Variants in ASAP2 observed in about 807,000 individuals in gnomAD.
ASAP2 encodes the protein ArfGAP with SH3 domain, ankyrin repeat and PH domain 2, also known as arf-GAP with SH3 domain, ANK repeat and PH domain-containing protein 2.
Under a neutral mutation model 131.4 loss-of-function variants are expected in ASAP2, and 45 were observed. The observed-to-expected ratio is 0.34, with a 90% CI of 0.27 to 0.44. The LOEUF is 0.44. Among genes scored for constraint, ASAP2 ranks in the 20% least tolerant of loss-of-function variants. ASAP2 has a pLI of 1.00. For synonymous variants in ASAP2, 510 were observed against 503.0 expected, an observed-to-expected ratio of 1.01 and a Z score of -0.19; for missense variants, 1,011 against 1,297.0, an observed-to-expected ratio of 0.78 and a Z score of 3.39.
intron 24 of ASAP2, among the ~76,000 whole-genome samples, 198 bp downstream of exon 24, chr2:9,393,845 T>C (rs1285702011): frequency 6.6e-6 from 1 of 152,190 alleles, no homozygotes; most frequent in Non-Finnish European, 1.5e-5. Flanking sequence ...AAATGTACAT[T>C]TTAAGTCCAC....
rs1360432351 is a variant in ASAP2, at chr2:9,350,797, C to T, written c.1024-11C>T. On this transcript the variant is annotated splice_polypyrimidine_tract_variant and intron_variant, in intron 11 of 27. Coordinates refer to ENST00000281419, the MANE Select transcript of ASAP2 (RefSeq NM_003887.3). ...CCCCAACCTTTTTTGTTGTTTTTTG[C>T]TTTTAAACAGGCTAACCGGCCTCCT... 7 of 1,608,798 alleles carry T rather than the reference C, an allele frequency of 4.4e-6. No individual in the cohort carries two copies. Among genetic ancestry groups the T allele is most frequent in the Non-Finnish European group, 5.1e-6 (6 of 1,177,158 alleles).
chr2:9,222,860 A>T (rs1572191086), intron 1 of ASAP2, among the ~76,000 whole-genome samples: 1 of 152,220 alleles, frequency 6.6e-6, no homozygotes, highest in Middle Eastern at 3.4e-3. Flanking sequence ...GGGGACTGGG[A>T]TGCTTATGCT....
intron 24 of ASAP2, among the ~76,000 whole-genome samples, chr2:9,397,751 T>TATATATATATA (rs1491228426): frequency 1.7e-5 from 1 of 60,184 alleles, no homozygotes; most frequent in African/African-American, 1.4e-4. Flanking sequence ...TATATATATA[T>TATATATATATA]TTTTTTTTTT....
intron 15 of ASAP2, among the ~76,000 whole-genome samples, chr2:9,365,160 G>A (rs1454796626): frequency 6.6e-6 from 1 of 152,206 alleles, no homozygotes; most frequent in Non-Finnish European, 1.5e-5. Flanking sequence ...GACATCATAT[G>A]TAAACTTTTT....
intron 1 of ASAP2, among the ~76,000 whole-genome samples, chr2:9,254,237 ATAT>A (rs1326299853): frequency 6.0e-4 from 22 of 36,682 alleles, no homozygotes; most frequent in Non-Finnish European, 1.2e-3. Context: ...AAAAAAAAAA[ATAT>A]ATATATATAT....
chr2:9,290,242 G>C (rs10164744), intron 2 of ASAP2, among the ~76,000 whole-genome samples: 53,765 of 151,994 alleles, frequency 0.35, 9,833 homozygotes, highest in African/African-American at 0.42. Flanking sequence ...GAGTCTCGCT[G>C]TGTCACCCAG....
intron 3 of ASAP2, 118 bp from the exon 4 acceptor site, chr2:9,318,406 G>C (rs529594668): frequency 2.7e-6 from 2 of 728,588 alleles, no homozygotes; most frequent in African/African-American, 1.7e-5. Context: ...TACATGCACC[G>C]GCCAGGTTTT....
chr2:9,364,517 CA>C (rs1408570979), intron 15 of ASAP2, among the ~76,000 whole-genome samples: 1 of 152,088 alleles, frequency 6.6e-6, no homozygotes, highest in Admixed American at 6.6e-5. Flanking sequence ...AACAAAAAAA[CA>C]TCAAATTAAA....
chr2:9,292,940 T>A (rs1667910981), intron 2 of ASAP2, among the ~76,000 whole-genome samples: 2 of 152,210 alleles, frequency 1.3e-5, no homozygotes, highest in South Asian at 4.1e-4. Flanking sequence ...GGTGGCTTGC[T>A]TCCTCACTGT....
intron 6 of ASAP2, among the ~76,000 whole-genome samples, chr2:9,324,240 A>G (rs1428952842): frequency 2.0e-5 from 3 of 152,196 alleles, no homozygotes; most frequent in Non-Finnish European, 4.4e-5. Flanking sequence ...AAATACATAT[A>G]TCTTAGAAAT....
At chr2:9,399,845 T>C in intron 24 of ASAP2, 178 bp from the exon 25 acceptor site, 3 of 644,126 alleles carry the variant, frequency 4.7e-6, no homozygotes, top group Non-Finnish European at 8.0e-6. Flanking sequence ...AATTTAGCAC[T>C]TTCCTCAGGG....
Position 9,395,594 on chromosome 2 carries a change from CTTTTTTTTTTTTTT to C in ASAP2, c.2684+1965_2684+1978del. 8.0e-4 allele frequency among the ~76,000 whole-genome samples: 47 copies of C among 59,054 alleles called. No homozygotes were observed. The South Asian group carries it at 8.3e-3, about 10-fold the overall frequency. 38.7% of individuals were successfully genotyped at this position (59,054 alleles called of 152,430 possible). A position where few individuals can be genotyped will look rare whatever the true frequency, so the allele number is the denominator to read the frequency against. On this transcript the variant is annotated intron_variant, in intron 24 of 27. Transcript: ENST00000281419. The stretch of plus-strand genomic sequence containing the variant: ...GTTTTGTTTTTCTTGTGTTTTTTTT[CTTTTTTTTTTTTTT>C]TTTTTTTTTTTTTTTTTGAGATGGA...
chr2:9,278,337 A>G (rs1346445114), intron 1 of ASAP2, among the ~76,000 whole-genome samples: 2 of 151,920 alleles, frequency 1.3e-5, no homozygotes, highest in South Asian at 2.1e-4. Flanking sequence ...ACATGGTGAA[A>G]CCCCGTCTCT....
intron 19 of ASAP2, 116 bp downstream of exon 19, chr2:9,379,175 C>A (rs1330602753): frequency 2.3e-5 from 14 of 604,228 alleles, no homozygotes; most frequent in Non-Finnish European, 3.4e-5. Flanking sequence ...CTTGTTAGTG[C>A]CAAAGAGAAG....
At position 9,268,188 on chromosome 2, in the gene ASAP2, T is replaced by C. The variant is rs1666074681; in HGVS notation, c.127-11129T>C. ...GGGTAAGTTTGTTCTCTTCCGTTGC[T>C]GTGTAGCATTCTGTTGTACGAATGT... On this transcript the variant is annotated intron_variant, in intron 1 of 27. Coordinates refer to ENST00000281419, the MANE Select transcript of ASAP2 (RefSeq NM_003887.3). The surrounding 1 kb of genome is among the most constrained non-coding windows in gnomAD (Gnocchi z 4.1). 6.6e-6 allele frequency among the ~76,000 whole-genome samples: 1 copy of C among 152,254 alleles called. No homozygotes were observed. Among genetic ancestry groups the C allele is most frequent in the East Asian group, 1.9e-4 (1 of 5,200 alleles).
At chr2:9,372,078 A>G (rs921009696) in intron 16 of ASAP2, among the ~76,000 whole-genome samples, 10 of 152,148 alleles carry the variant, frequency 6.6e-5, no homozygotes, top group Admixed American at 1.3e-4. Context: ...ATGAGTAAAT[A>G]CATTAAAAAA....
chr2:9,323,157 G>A lies in ASAP2; in HGVS notation c.507G>A (p.Lys169=). The A allele has an allele frequency of 6.2e-7, 1 of 1,614,250 alleles. No homozygotes were observed. Among genetic ancestry groups the A allele is most frequent in the Non-Finnish European group, 8.5e-7 (1 of 1,180,052 alleles). The change falls in exon 6 of 28, where the codon AAG becomes AAA. Residue 169 remains lysine, a synonymous_variant. Coordinates refer to ENST00000281419, the MANE Select transcript of ASAP2 (RefSeq NM_003887.3). ...KIEKEKKEHA[K]LHGMIRTEIS... ...AAAAGGAGAAAAAGGAACACGCCAA[G>A]CTCCATGGGATGATTCGGACTGAAA... is the stretch of plus-strand genomic sequence containing the variant.
chr2:9,216,233 G>C (rs1236832536), intron 1 of ASAP2, among the ~76,000 whole-genome samples: 1 of 151,932 alleles, frequency 6.6e-6, no homozygotes, highest in Non-Finnish European at 1.5e-5. Flanking sequence ...GCTGTTGCAA[G>C]AGTGTGTTGG....
chr2:9,325,871 T>A (rs537609869), intron 6 of ASAP2, among the ~76,000 whole-genome samples: 9 of 152,088 alleles, frequency 5.9e-5, no homozygotes, highest in Non-Finnish European at 1.2e-4. Context: ...CACAGTTGAG[T>A]GAGAGCTGTA....
Sources: gnomAD v4.1 joint callset for allele counts (sites outside exome capture counted in the v4.1 genomes callset) on GRCh38, gnomAD v4.1.1 for gene constraint, Gnocchi (gnomAD v3.1) non-coding constraint, MANE v1.5 for transcripts, NCBI Gene and HGNC (gene_info 2026-07-23, HGNC 2026-07-21) for gene names.